EPB41L4A: variants seen among roughly 807,000 people sequenced by gnomAD.
EPB41L4A encodes erythrocyte membrane protein band 4.1 like 4A.
In EPB41L4A, 100 loss-of-function variants were observed where a neutral mutation model predicts 108.6. That is an observed-to-expected ratio of 0.92 (90% CI 0.78 to 1.09). The LOEUF is 1.09. Ranked by LOEUF, EPB41L4A falls within the 50% of genes least tolerant of loss-of-function variation. EPB41L4A has a pLI of 0.00. For missense variants in EPB41L4A, 1,030 were observed against 842.7 expected (o/e 1.22, Z -2.75); for synonymous variants, 319 against 289.0 (o/e 1.10, Z -1.05).
intron 13 of EPB41L4A, among the ~76,000 whole-genome samples, chr5:112,206,593 G>C (rs867081931): frequency 1.3e-5 from 2 of 152,146 alleles, no homozygotes; most frequent in African/African-American, 4.8e-5. Flanking sequence ...TAATACGATA[G>C]TAGAAAGTGT....
intron 1 of EPB41L4A, among the ~76,000 whole-genome samples, chr5:112,355,428 T>C (rs1758304034): frequency 6.6e-6 from 1 of 152,196 alleles, no homozygotes; most frequent in African/African-American, 2.4e-5. Context: ...TATAACCTCC[T>C]TTCCACAAAC....
intron 2 of EPB41L4A, among the ~76,000 whole-genome samples, chr5:112,296,990 T>C (rs11952307): frequency 0.05 from 7,487 of 148,812 alleles, 253 homozygotes; most frequent in Non-Finnish European, 0.072. Context: ...TATACATACA[T>C]ACACACACAC....
intron 1 of EPB41L4A, among the ~76,000 whole-genome samples, chr5:112,370,872 G>C (rs1580777568): frequency 6.6e-6 from 1 of 152,334 alleles, no homozygotes; most frequent in Non-Finnish European, 1.5e-5. Flanking sequence ...CCAGGAGGTG[G>C]AGGTTGCAGT....
At chr5:112,395,356 G>T (rs962688270) in intron 1 of EPB41L4A, among the ~76,000 whole-genome samples, 2 of 152,116 alleles carry the variant, frequency 1.3e-5, no homozygotes, top group Non-Finnish European at 2.9e-5. Flanking sequence ...TCTGACAAAG[G>T]ACTAATATCC....
chr5:112,366,344 G>T (rs1000985415), intron 1 of EPB41L4A, among the ~76,000 whole-genome samples: 1 of 152,014 alleles, frequency 6.6e-6, no homozygotes, highest in Non-Finnish European at 1.5e-5. Flanking sequence ...GTCCCAGGAG[G>T]AAACAGCATT....
chr5:112,228,762 C>T (rs1748655625), intron 12 of EPB41L4A: 31 of 985,322 alleles, frequency 3.1e-5, no homozygotes, highest in Non-Finnish European at 3.6e-5. Context: ...GCACTTTTTC[C>T]TCCTGCCGTC....
At chr5:112,244,101 C>T (rs537442034) in intron 9 of EPB41L4A, among the ~76,000 whole-genome samples, 39 of 152,150 alleles carry the variant, frequency 2.6e-4, no homozygotes, top group Non-Finnish European at 2.1e-4. Context: ...ATCACAGATG[C>T]ACAACTATTC....
At chr5:112,166,254 G>A (rs1206620923) in intron 22 of EPB41L4A, among the ~76,000 whole-genome samples, 1 of 152,176 alleles carries the variant, frequency 6.6e-6, no homozygotes, top group Non-Finnish European at 1.5e-5. Context: ...AGAACTTAAA[G>A]TTGTACCTTA....
At chr5:112,217,069 C>T (rs953655177) in intron 12 of EPB41L4A, among the ~76,000 whole-genome samples, 1 of 151,926 alleles carries the variant, frequency 6.6e-6, no homozygotes, top group South Asian at 2.1e-4. Flanking sequence ...CTCAGCCTCC[C>T]GAGTAGCTGG....
intron 13 of EPB41L4A, among the ~76,000 whole-genome samples, chr5:112,208,244 C>CAAAAAAAAAAA (rs68152475): frequency 1.2e-5 from 1 of 85,106 alleles, no homozygotes. Context: ...GACTCCATCT[C>CAAAAAAAAAAA]AAAAAAAAAA....
intron 1 of EPB41L4A, among the ~76,000 whole-genome samples, chr5:112,307,817 T>A (rs911787492): frequency 2.0e-5 from 3 of 152,110 alleles, no homozygotes; most frequent in Non-Finnish European, 4.4e-5. Flanking sequence ...GAACATCTAA[T>A]AAATGCATCA....
rs1464369426 is a variant in EPB41L4A, at chr5:112,242,272, T to C, written c.796-1462A>G. On this transcript the variant is annotated intron_variant, in intron 9 of 22. Transcript: ENST00000261486. ...CAAACCCTACCACTACTTTATCAAT[T>C]AAGTTTGTGTAATATTTTAAATCCT... 2.0e-5 allele frequency among the ~76,000 whole-genome samples: 3 copies of C among 152,230 alleles called. No homozygotes were observed. In the East Asian group the frequency reaches 5.8e-4, roughly 29 times the overall value.
At position 112,170,313 on chromosome 5, in the gene EPB41L4A, T is replaced by C; in HGVS notation, c.1727A>G (p.Tyr576Cys). 1.2e-6 allele frequency: 2 copies of C among 1,613,484 alleles called. No homozygotes were observed. The highest frequency in any genetic ancestry group is 1.3e-5 in the African/African-American group (1 of 75,032). Reference protein sequence around the residue: ...LSEEQLKEIPYTKIETQGDPI... With the variant: ...LSEEQLKEIPCTKIETQGDPI... ...GAAAGGCACTCACTCTATTTTAGTG[T>C]ATGGAATCTCTTTTAATTGTTCTTC... Residue 576 changes from tyrosine (Y) to cysteine (C), a missense_variant, in exon 20 of 23, where the codon TAC becomes TGC. Coordinates refer to ENST00000261486, the MANE Select transcript of EPB41L4A (RefSeq NM_022140.5).
intron 12 of EPB41L4A, among the ~76,000 whole-genome samples, chr5:112,222,872 T>C (rs1351679488): frequency 6.6e-6 from 1 of 151,680 alleles, no homozygotes; most frequent in Non-Finnish European, 1.5e-5. Context: ...TCTGGACTCC[T>C]GCTCCAAAGA....
intron 2 of EPB41L4A, among the ~76,000 whole-genome samples, chr5:112,298,693 T>C (rs1293197897): frequency 1.3e-5 from 2 of 152,194 alleles, no homozygotes; most frequent in African/African-American, 4.8e-5. Context: ...ATTTCCTCTT[T>C]ATCTTGAAGA....
intron 12 of EPB41L4A, among the ~76,000 whole-genome samples, chr5:112,211,587 C>CA (rs1244464078): frequency 0.081 from 6,011 of 74,640 alleles, 314 homozygotes; most frequent in African/African-American, 0.2. Flanking sequence ...GACTCCGTCT[C>CA]AAAAAAAAAA....
intron 1 of EPB41L4A, among the ~76,000 whole-genome samples, chr5:112,418,425 G>C (rs997843605): frequency 6.6e-6 from 1 of 152,128 alleles, no homozygotes; most frequent in Non-Finnish European, 1.5e-5. Context: ...CTGTAGAAAG[G>C]GAAAATATTT....
intron 9 of EPB41L4A, among the ~76,000 whole-genome samples, chr5:112,253,256 G>A (rs762799259): frequency 2.0e-5 from 3 of 152,166 alleles, no homozygotes; most frequent in Non-Finnish European, 4.4e-5. Context: ...GCCCCCAGAT[G>A]AGACACCTGA....
exon 14 of EPB41L4A, chr5:112,143,751 G>T (rs1193520617): frequency 1.6e-5 from 6 of 372,958 alleles, no homozygotes; most frequent in Non-Finnish European, 3.3e-5. Context: ...CCAGACAAGG[G>T]CTCCAATTGG....
Sources: allele counts gnomAD v4.1 joint callset (sites outside exome capture counted in the v4.1 genomes callset), GRCh38; gene constraint gnomAD v4.1.1; transcripts MANE v1.5; gene names NCBI Gene and HGNC (gene_info 2026-07-23, HGNC 2026-07-21).